Variants in KAZN observed in about 807,000 individuals in gnomAD.
KAZN encodes kazrin.
In KAZN, 40 loss-of-function variants were observed where a neutral mutation model predicts 87.4. The observed-to-expected ratio is 0.46, with a 90% confidence interval of 0.36 to 0.60. The LOEUF is 0.60. Among genes scored for constraint, KAZN ranks in the 20% least tolerant of loss-of-function variants. The pLI, the probability that KAZN is intolerant of heterozygous loss-of-function variation, is 0.00. For missense variants in KAZN, 898 were observed against 1,073.9 expected (o/e 0.84, Z 2.29); for synonymous variants, 466 against 458.3 (o/e 1.02, Z -0.22).
At chr1:14,106,729 C>T (rs1339639471) in intron 1 of KAZN, among the ~76,000 whole-genome samples, 7 of 152,140 alleles carry the variant, frequency 4.6e-5, no homozygotes, top group African/African-American at 1.4e-4. Context: ...AGCCCAAACG[C>T]GTCTCTATTC....
intron 1 of KAZN, among the ~76,000 whole-genome samples, chr1:14,129,394 A>G (rs1240426661): frequency 2.0e-5 from 3 of 152,196 alleles, no homozygotes; most frequent in Non-Finnish European, 4.4e-5. Context: ...GCTTTTTCTT[A>G]TCCATCAGCC....
At chr1:14,764,622 T>C (rs1223042319) in intron 1 of KAZN, among the ~76,000 whole-genome samples, 4 of 151,900 alleles carry the variant, frequency 2.6e-5, no homozygotes, top group Admixed American at 1.3e-4. Flanking sequence ...TAAACCTTAG[T>C]AGAACAAATG....
intron 1 of KAZN, among the ~76,000 whole-genome samples, chr1:14,819,891 G>T (rs1295564932): frequency 2.0e-5 from 3 of 151,670 alleles, no homozygotes; most frequent in Non-Finnish European, 2.9e-5. Flanking sequence ...AATATTTTTA[G>T]TAGAGACAGG....
intron 1 of KAZN, among the ~76,000 whole-genome samples, chr1:13,987,995 G>A (rs1639098989): frequency 6.6e-6 from 1 of 152,152 alleles, no homozygotes; most frequent in Non-Finnish European, 1.5e-5. Context: ...AGGAAAAACA[G>A]AAAACTCACA....
chr1:15,109,945 G>GTGTTTC (rs796563454), intron 13 of KAZN, among the ~76,000 whole-genome samples: 34,326 of 151,106 alleles, frequency 0.23, 3,865 homozygotes, highest in South Asian at 0.34. Flanking sequence ...GTGTGTGTTT[G>GTGTTTC]TGTATGTGTT....
chr1:15,102,109 G>T (rs1641093386), intron 11 of KAZN, among the ~76,000 whole-genome samples: 1 of 152,208 alleles, frequency 6.6e-6, no homozygotes, highest in Non-Finnish European at 1.5e-5. Flanking sequence ...GAACCACAAG[G>T]AAGCTGGTGG....
chr1:14,497,082 A>G (rs562921808), intron 2 of KAZN, among the ~76,000 whole-genome samples: 1 of 152,280 alleles, frequency 6.6e-6, no homozygotes, highest in East Asian at 1.9e-4. Flanking sequence ...TTGAATATCC[A>G]CCAAAAGAAT....
chr1:14,840,146 C>CT (rs1397636604), intron 1 of KAZN, among the ~76,000 whole-genome samples: 1 of 152,094 alleles, frequency 6.6e-6, no homozygotes, highest in African/African-American at 2.4e-5. Context: ...CCTTTTCATT[C>CT]TTAATAGAGT....
chr1:14,460,373 C>T (rs963735537), intron 2 of KAZN, among the ~76,000 whole-genome samples: 3 of 152,188 alleles, frequency 2.0e-5, no homozygotes, highest in African/African-American at 7.2e-5. Flanking sequence ...GCAGGCCCTA[C>T]ACACAGCTTG....
Position 14,120,308 on chromosome 1 carries a change from A to G in KAZN, c.92-60127A>G, listed in dbSNP as rs113253269. Among the ~76,000 whole-genome samples the G allele has an allele frequency of 9.8e-4, 149 of 152,230 alleles. 1 individual carries two copies. Among genetic ancestry groups the G allele is most frequent in the African/African-American group, 3.4e-3 (142 of 41,538 alleles). ...GAGGTGCCGTGCACTCTTTTAAACA[A>G]CCAGGTCTCGTGAGAACTCATTCAC... On this transcript the variant is annotated intron_variant, in intron 1 of 16. Coordinates refer to the KAZN transcript ENST00000636203.
intron 1 of KAZN, among the ~76,000 whole-genome samples, chr1:14,799,466 C>T (rs1645938741): frequency 6.6e-6 from 1 of 152,166 alleles, no homozygotes; most frequent in South Asian, 2.1e-4. Context: ...CACTTGAAAC[C>T]TCTTTAGAAT....
chr1:14,439,029 C>T (rs1666554636), intron 2 of KAZN, among the ~76,000 whole-genome samples: 2 of 152,244 alleles, frequency 1.3e-5, no homozygotes, highest in African/African-American at 2.4e-5. Flanking sequence ...AGTCCAGACT[C>T]ATCTTCTAAA....
chr1:15,066,636 T>C lies in KAZN; in HGVS notation c.1222+883T>C. 2 of 983,788 alleles carry C rather than the reference T, an allele frequency of 2.0e-6. No homozygotes were observed. The highest frequency in any genetic ancestry group is 2.4e-6 in the Non-Finnish European group (2 of 828,394). The allele number at this position is 983,788 out of a possible 1,614,324, so 60.9% of individuals were successfully genotyped here. Reference sequence around the variant, plus strand: ...CTGAAAACTTATTCTATCTAAATTATTACATAAATATTGGAATGTCTATTT... The same window carrying C: ...CTGAAAACTTATTCTATCTAAATTACTACATAAATATTGGAATGTCTATTT... On this transcript the variant is annotated intron_variant, in intron 8 of 14. Transcript: ENST00000376030. The surrounding 1 kb of genome is among the most constrained non-coding windows in gnomAD (Gnocchi z 4.3).
At chr1:14,872,426 AT>A in intron 1 of KAZN, among the ~76,000 whole-genome samples, 1 of 152,206 alleles carries the variant, frequency 6.6e-6, no homozygotes, top group Non-Finnish European at 1.5e-5. Flanking sequence ...ACAGCCACAT[AT>A]GGCTAACAGC....
chr1:14,337,914 A>T (rs940567193), intron 2 of KAZN, among the ~76,000 whole-genome samples: 2 of 145,894 alleles, frequency 1.4e-5, no homozygotes, highest in African/African-American at 5.1e-5. Flanking sequence ...AAAAAAAAAG[A>T]GCCTCCTCTG....
intron 1 of KAZN, among the ~76,000 whole-genome samples, chr1:14,722,161 AAG>A (rs113036285): frequency 0.45 from 66,935 of 150,324 alleles, 15,792 homozygotes; most frequent in East Asian, 0.58. Flanking sequence ...AAAAAAAAAA[AAG>A]AATAAAAAAT....
chr1:14,247,300 A>G (rs1008413565), intron 2 of KAZN, among the ~76,000 whole-genome samples: 1 of 152,200 alleles, frequency 6.6e-6, no homozygotes, highest in Non-Finnish European at 1.5e-5. Context: ...TAAGGTCAGA[A>G]AAACAAGCTA....
intron 1 of KAZN, among the ~76,000 whole-genome samples, chr1:14,703,311 A>G (rs943121387): frequency 6.6e-6 from 1 of 152,150 alleles, no homozygotes; most frequent in Admixed American, 6.5e-5. Flanking sequence ...CATAATCCCC[A>G]TGGGTCATGG....
At chr1:15,104,303 C>T (rs970275857) in intron 13 of KAZN, 114 bp downstream of exon 13, 3 of 1,087,574 alleles carry the variant, frequency 2.8e-6, no homozygotes, top group Admixed American at 5.8e-5. Flanking sequence ...GCCTCCCACT[C>T]GTTCTTTGCA....
Sources: allele counts gnomAD v4.1 joint callset (sites outside exome capture counted in the v4.1 genomes callset), GRCh38; gene constraint gnomAD v4.1.1; non-coding constraint Gnocchi (gnomAD v3.1); transcripts MANE v1.5; gene names NCBI Gene and HGNC (gene_info 2026-07-23, HGNC 2026-07-21).